KLC4: variants seen among roughly 807,000 people sequenced by gnomAD.
KLC4 encodes the protein kinesin light chain 4.
In KLC4, 49 loss-of-function variants were observed where a neutral mutation model predicts 77.2. That is an observed-to-expected ratio of 0.63 (90% confidence interval 0.50 to 0.80). The LOEUF is 0.80. Ranked by LOEUF, KLC4 falls within the 30% of genes least tolerant of loss-of-function variation. The pLI is 0.00. For missense variants in KLC4, 669 were observed against 793.5 expected, an observed-to-expected ratio of 0.84 and a Z score of 1.89; for synonymous variants, 274 against 314.5, an observed-to-expected ratio of 0.87 and a Z score of 1.36.
rs767451625 is a variant in KLC4, at chr6:43,073,248, G to A, written c.1655G>A (p.Ser552Asn). Residue 552 changes from serine to asparagine, a missense_variant, in exon 14 of 16, where the codon AGT becomes AAT. Ser to Asn is a conservative substitution (Grantham distance 46). Coordinates refer to ENST00000347162, the MANE Select transcript of KLC4 (RefSeq NM_201521.3). ...GATGGCAGTGGGACCCTGCAGAGGA[G>A]TGGCTCTCTTGGCAAGATCCGGGAT... ...SGDGSGTLQR[S>N]GSLGKIRDVL... The A allele has an allele frequency of 6.2e-7, 1 of 1,614,158 alleles. No individual in the cohort carries two copies. Among genetic ancestry groups the A allele is most frequent in the Non-Finnish European group, 8.5e-7 (1 of 1,179,992 alleles).
chr6:43,063,753 C>T (rs1182565888), intron 3 of KLC4, among the ~76,000 whole-genome samples: 2 of 151,422 alleles, frequency 1.3e-5, no homozygotes, highest in Non-Finnish European at 1.5e-5. Flanking sequence ...GGGGTTTCAC[C>T]ATGTTGGCCA....
rs1765796885 is a variant in KLC4, at chr6:43,072,853, G to A, written c.1518G>A (p.Val506=). The A allele has an allele frequency of 1.2e-6, 2 of 1,613,850 alleles. No homozygotes were observed. The highest frequency in any genetic ancestry group is 3.3e-5 in the Admixed American group (2 of 59,974). The change falls in exon 13 of 16, where the codon GTG becomes GTA. Residue 506 remains valine, a synonymous_variant. Transcript: ENST00000347162. Reference sequence around the variant, plus strand: ...CTGACCCTATCAGCCAGACGAAGGTGGCAGAGCTGCTTGGGGAGAGTGATG... The same window carrying A: ...CTGACCCTATCAGCCAGACGAAGGTAGCAGAGCTGCTTGGGGAGAGTGATG... The part of the protein sequence containing the change: ...QGTDPISQTK[V]AELLGESDGR...
At chr6:43,073,115 C>G (rs1765810323) in intron 13 of KLC4, 108 bp from the exon 14 acceptor site, 4 of 1,316,240 alleles carry the variant, frequency 3.0e-6, no homozygotes, top group Non-Finnish European at 4.2e-6. Flanking sequence ...TTTCCAGTCA[C>G]TGGGCCTTGG....
At chr6:43,061,112 CCTCTCG>C (rs1765131023) in intron 1 of KLC4, 193 bp from the exon 2 acceptor site, 1 of 597,234 alleles carries the variant, frequency 1.7e-6, no homozygotes, top group Non-Finnish European at 3.0e-6. Flanking sequence ...AGTTCATCTC[CCTCTCG>C]CTTTGCCCAC....
chr6:43,068,390 C>T (rs951585499), intron 6 of KLC4, among the ~76,000 whole-genome samples: 6 of 151,374 alleles, frequency 4.0e-5, no homozygotes, highest in Non-Finnish European at 7.4e-5. Flanking sequence ...GAGAATCACT[C>T]GAAACCAGAA....
intron 15 of KLC4, 102 bp downstream of exon 15, chr6:43,074,067 T>A (rs1388582957): frequency 1.1e-6 from 1 of 887,248 alleles, no homozygotes; most frequent in Non-Finnish European, 1.7e-6. Flanking sequence ...AGGAGTCATC[T>A]GGGATGAAGA....
At chr6:43,060,977 C>G in intron 1 of KLC4, 1 of 293,858 alleles carries the variant, frequency 3.4e-6, no homozygotes, top group East Asian at 7.5e-5. Flanking sequence ...AGTGCTGTCT[C>G]TCATCCCTTG....
chr6:43,073,346 T>A lies in KLC4; in HGVS notation c.1745+8T>A, dbSNP rs1243745199. 1 of 1,600,038 alleles carries A rather than the reference T, an allele frequency of 6.2e-7. No individual in the cohort carries two copies. Among genetic ancestry groups the A allele is most frequent in the Non-Finnish European group, 8.6e-7 (1 of 1,168,592 alleles). On this transcript the variant is annotated splice_region_variant and intron_variant, in intron 14 of 15. Transcript: ENST00000347162. ...TGAGCCTCGGCCCTCCAGGTATACA[T>A]GGAAGTCAAGATACAGTAAAGTGGC...
Position 43,072,911 on chromosome 6 carries a change from A to G in KLC4, c.1576A>G (p.Ser526Gly). The change falls in exon 13 of 16, where the codon AGT becomes GGT. Residue 526 changes from serine to glycine, a missense_variant. Ser to Gly is a moderately conservative substitution (Grantham distance 56). Transcript: ENST00000347162. Reference sequence around the variant, plus strand: ...GACCTCCCAGGAGGGCCCTGGAGACAGTGTGAAATTCGAGGGAGGTGAAGA... The same window carrying G: ...GACCTCCCAGGAGGGCCCTGGAGACGGTGTGAAATTCGAGGGAGGTGAAGA... ...RRTSQEGPGD[S>G]VKFEGGEDAS... The G allele has an allele frequency of 6.2e-7, 1 of 1,610,674 alleles. No individual in the cohort carries two copies. The highest frequency in any genetic ancestry group is 1.1e-5 in the South Asian group (1 of 90,622).
chr6:43,062,057 A>T (rs932372844), intron 2 of KLC4, among the ~76,000 whole-genome samples: 5 of 152,228 alleles, frequency 3.3e-5, no homozygotes, highest in Non-Finnish European at 7.3e-5. Flanking sequence ...CATCCTAAGC[A>T]CAGAGAGCAG....
chr6:43,073,840 A>G (rs1765846782), intron 14 of KLC4, 62 bp from the exon 15 acceptor site: 11 of 1,496,994 alleles, frequency 7.3e-6, no homozygotes, highest in Middle Eastern at 3.4e-4. Flanking sequence ...CAAGAGGCCC[A>G]CAGCCTTAAG....
rs147231623 is a variant in KLC4 at position 43,065,645 on chromosome 6, A to G, written c.515A>G (p.Lys172Arg). 2 of 1,613,852 alleles carry G rather than the reference A, an allele frequency of 1.2e-6. No homozygotes were observed. The highest frequency in any genetic ancestry group is 1.7e-5 in the Admixed American group (1 of 60,006). The change falls in exon 4 of 16, where the codon AAG becomes AGG. Residue 172 changes from lysine (K) to arginine (R), a missense_variant. Physicochemically the swap from Lys to Arg is conservative, Grantham distance 26. Transcript: ENST00000347162. ...TSEEKEGDAT[K>R]DSLDDLFPNE... ...GAGGAGAAAGAAGGCGATGCCACCAAGGATTCCCTGGATGACCTCTTTCCT... is the reference window on the plus strand; with the variant it reads ...GAGGAGAAAGAAGGCGATGCCACCAGGGATTCCCTGGATGACCTCTTTCCT...
Position 43,059,694 on chromosome 6 carries a change from T to C in KLC4, c.-26+9T>C. 1 of 1,318,140 alleles carries C rather than the reference T, an allele frequency of 7.6e-7. No individual in the cohort carries two copies. The highest frequency in any genetic ancestry group is 1.5e-5 in the African/African-American group (1 of 67,072). 81.7% of individuals were successfully genotyped at this position (1,318,140 alleles called of 1,614,324 possible). On this transcript the variant is annotated intron_variant, in intron 1 of 15. Transcript: ENST00000347162. ...ACACCGGCAGATTGCAGGTGAGTCT[T>C]TGAGGGTATCCTGGGGCTGAAGGTT...
chr6:43,073,678 G>C, intron 14 of KLC4: 1 of 574,992 alleles, frequency 1.7e-6, no homozygotes, highest in Non-Finnish European at 3.1e-6. Context: ...AAAAGATATG[G>C]TAAAGCAGGC....
chr6:43,073,237 C>T lies in KLC4; in HGVS notation c.1644C>T (p.Thr548=), dbSNP rs773409837. The T allele has an allele frequency of 1.9e-6, 3 of 1,613,804 alleles. No homozygotes were observed. The highest frequency in any genetic ancestry group is 2.5e-6 in the Non-Finnish European group (3 of 1,179,762). ...AVEWSGDGSG[T]LQRSGSLGKI... ...CTTTCTGCCAGGATGGCAGTGGGAC[C>T]CTGCAGAGGAGTGGCTCTCTTGGCA... The change falls in exon 14 of 16, where the codon ACC becomes ACT. Residue 548 remains threonine (T), a synonymous_variant. Coordinates refer to ENST00000347162, the MANE Select transcript of KLC4 (RefSeq NM_201521.3).
rs749786278 is a variant in KLC4 at position 43,071,313 on chromosome 6, T to C, written c.1194T>C (p.Ala398=). 52 of 1,613,996 alleles carry C rather than the reference T, an allele frequency of 3.2e-5. No individual in the cohort carries two copies. Among genetic ancestry groups the C allele is most frequent in the Non-Finnish European group, 4.3e-5 (51 of 1,179,964 alleles). ...CYLKQGKYAE[A]ETLYKEILTR... is the part of the protein sequence containing the mutation. ...TGAAACAGGGCAAATATGCTGAGGC[T>C]GAGACACTATACAAAGAGATCCTGA... is the stretch of plus-strand genomic sequence containing the variant. Residue 398 remains alanine, a synonymous_variant, in exon 9 of 16, where the codon GCT becomes GCC. Transcript: ENST00000347162.
intron 15 of KLC4, chr6:43,074,262 A>AT (rs1765867883): frequency 2.2e-6 from 1 of 459,644 alleles, no homozygotes; most frequent in African/African-American, 2.0e-5. Flanking sequence ...GATACGAATT[A>AT]TTTTTTCATC....
In KLC4 at chr6:43,062,999, A is replaced by G; in HGVS notation, c.341A>G (p.Gln114Arg). The G allele has an allele frequency of 1.2e-6, 2 of 1,614,182 alleles. No homozygotes were observed. The highest frequency in any genetic ancestry group is 1.7e-6 in the Non-Finnish European group (2 of 1,180,038). The change falls in exon 3 of 16, where the codon CAG becomes CGG. Residue 114 changes from glutamine to arginine, a missense_variant. Coordinates refer to ENST00000347162, the MANE Select transcript of KLC4 (RefSeq NM_201521.3). ...CGGGCTCAGGTGCGGCGGCTATGCC[A>G]GGAGAACCAGTGGCTGCGGGATGAG... is the stretch of plus-strand genomic sequence containing the variant. Reference protein sequence around the residue: ...KLRAQVRRLCQENQWLRDELA... With the variant: ...KLRAQVRRLCRENQWLRDELA...
In KLC4 at chr6:43,062,941, C is replaced by A; in HGVS notation, c.283C>A (p.Leu95Met). 4 of 1,614,176 alleles carry A rather than the reference C, an allele frequency of 2.5e-6. No homozygotes were observed. The highest frequency in any genetic ancestry group is 3.4e-6 in the Non-Finnish European group (4 of 1,180,014). ...GGTGATGCTGGCTCTAGCCAGCCAC[C>A]TGAGCACAGTGGAGTCGGAGAAACA... ...AQVMLALASH[L>M]STVESEKQKL... The change falls in exon 3 of 16, where the codon CTG becomes ATG. Residue 95 changes from leucine to methionine, a missense_variant. Coordinates refer to ENST00000347162, the MANE Select transcript of KLC4 (RefSeq NM_201521.3).
Sources: gnomAD v4.1 joint callset for allele counts (sites outside exome capture counted in the v4.1 genomes callset) on GRCh38, gnomAD v4.1.1 for gene constraint, MANE v1.5 for transcripts, NCBI Gene and HGNC (gene_info 2026-07-23, HGNC 2026-07-21) for gene names.